Variants in MAML2 observed in about 807,000 individuals in gnomAD.
MAML2 encodes mastermind-like protein 2.
Under a neutral mutation model 96.1 loss-of-function variants are expected in MAML2, and 22 were observed. That is an observed-to-expected ratio of 0.23 (90% CI 0.16 to 0.33). The LOEUF is 0.33. Among genes scored for constraint, MAML2 ranks in the 10% least tolerant of loss-of-function variants. The probability of loss-of-function intolerance (pLI) is 1.00; values close to 1 mark genes in which losing one functional copy is unlikely to be tolerated. For synonymous variants in MAML2, 561 were observed against 521.3 expected (o/e 1.08, Z -1.04); for missense variants, 1,367 against 1,392.4 (o/e 0.98, Z 0.29).
chr11:96,198,140 A>T (rs958653154), intron 1 of MAML2, among the ~76,000 whole-genome samples: 3 of 152,222 alleles, frequency 2.0e-5, no homozygotes, highest in African/African-American at 7.2e-5. Context: ...AATGGTCTGG[A>T]TAGGTCTTAA....
At chr11:96,082,672 T>C (rs971735080) in intron 2 of MAML2, among the ~76,000 whole-genome samples, 1 of 152,244 alleles carries the variant, frequency 6.6e-6, no homozygotes, top group African/African-American at 2.4e-5. Flanking sequence ...CGCCAGTTAC[T>C]GGCCTCATCC....
intron 1 of MAML2, among the ~76,000 whole-genome samples, chr11:96,211,184 A>T (rs7941175): frequency 6.6e-6 from 1 of 152,222 alleles, no homozygotes; most frequent in Non-Finnish European, 1.5e-5. Context: ...ACATATTTTT[A>T]AAATCCTAAT....
intron 1 of MAML2, among the ~76,000 whole-genome samples, chr11:96,132,528 G>A (rs1291836422): frequency 6.6e-6 from 1 of 152,164 alleles, no homozygotes; most frequent in Non-Finnish European, 1.5e-5. Flanking sequence ...ACAACAGAAA[G>A]GTCAGCATGA....
Position 96,341,980 on chromosome 11 carries a change from A to G in MAML2, c.-85T>C. On this transcript the variant is annotated 5_prime_UTR_variant, in exon 1 of 5. Transcript: ENST00000524717. Reference sequence around the variant, plus strand: ...GCTATTGCAGGCAAGTCTGTTTTTGACAATGTGAGCTCAGTGTTCAGGGCC... The same window carrying G: ...GCTATTGCAGGCAAGTCTGTTTTTGGCAATGTGAGCTCAGTGTTCAGGGCC... 7.5e-7 allele frequency: 1 copy of G among 1,341,870 alleles called. No individual in the cohort carries two copies. The highest frequency in any genetic ancestry group is 9.9e-7 in the Non-Finnish European group (1 of 1,012,022). 83.1% of individuals were successfully genotyped at this position (1,341,870 alleles called of 1,614,324 possible). A position where few individuals can be genotyped will look rare whatever the true frequency, so the allele number is the denominator to read the frequency against.
chr11:96,135,627 G>A (rs954033579), intron 1 of MAML2, among the ~76,000 whole-genome samples: 23 of 147,600 alleles, frequency 1.6e-4, no homozygotes, highest in African/African-American at 5.7e-4. Context: ...AAACAAAACT[G>A]AATAATTACT....
chr11:95,988,385 A>C (rs994830509), intron 3 of MAML2, among the ~76,000 whole-genome samples: 2 of 151,670 alleles, frequency 1.3e-5, no homozygotes, highest in Non-Finnish European at 2.9e-5. Context: ...CAGTCTCCCA[A>C]GTAGCTGAGA....
At chr11:96,253,136 T>C (rs547913307) in intron 1 of MAML2, among the ~76,000 whole-genome samples, 2 of 152,282 alleles carry the variant, frequency 1.3e-5, no homozygotes, top group East Asian at 3.9e-4. Context: ...AGGAAAGAGA[T>C]TCACACAGAT....
At chr11:96,341,281 C>A (rs1483919987) in intron 1 of MAML2, 102 bp downstream of exon 1, 5 of 1,331,780 alleles carry the variant, frequency 3.8e-6, no homozygotes, top group Non-Finnish European at 2.0e-6. Flanking sequence ...GACATCTTGG[C>A]CTTTTTCATT....
At chr11:96,202,174 A>G (rs1278897736) in intron 1 of MAML2, among the ~76,000 whole-genome samples, 2 of 112,700 alleles carry the variant, frequency 1.8e-5, no homozygotes, top group African/African-American at 3.2e-5. Context: ...TCTACTAAAA[A>G]TACAAAAAAA....
chr11:96,266,243 C>T (rs1484722083), intron 1 of MAML2, among the ~76,000 whole-genome samples: 1 of 152,110 alleles, frequency 6.6e-6, no homozygotes, highest in Admixed American at 6.5e-5. Flanking sequence ...CTGTCAGTAC[C>T]AAGCTGGTCT....
intron 2 of MAML2, among the ~76,000 whole-genome samples, chr11:96,028,534 A>C (rs528674079): frequency 1.3e-5 from 2 of 152,338 alleles, no homozygotes; most frequent in Admixed American, 6.5e-5. Flanking sequence ...ACTCCATGAA[A>C]GCCTATGACT....
At chr11:96,277,219 T>G (rs1270029311) in intron 1 of MAML2, among the ~76,000 whole-genome samples, 1 of 152,230 alleles carries the variant, frequency 6.6e-6, no homozygotes, top group African/African-American at 2.4e-5. Flanking sequence ...TTAGGACTTC[T>G]GTATCTCGAT....
intron 2 of MAML2, among the ~76,000 whole-genome samples, chr11:96,074,238 G>A (rs753986289): frequency 1.3e-4 from 20 of 152,218 alleles, no homozygotes; most frequent in Non-Finnish European, 7.3e-5. Context: ...CTTGCATGCA[G>A]TCACCCAGCT....
intron 1 of MAML2, among the ~76,000 whole-genome samples, chr11:96,291,494 G>A (rs1445699763): frequency 6.6e-6 from 1 of 151,994 alleles, no homozygotes; most frequent in African/African-American, 2.4e-5. Flanking sequence ...TGGAGTTTTA[G>A]GAAAAGTAAC....
intron 1 of MAML2, among the ~76,000 whole-genome samples, chr11:96,166,141 T>G (rs1237924825): frequency 7.5e-6 from 1 of 133,848 alleles, no homozygotes; most frequent in Non-Finnish European, 1.6e-5. Context: ...TCTCTGTCTC[T>G]CTCTCTCTGT....
chr11:96,279,084 G>A (rs1863028767), intron 1 of MAML2, among the ~76,000 whole-genome samples: 1 of 151,818 alleles, frequency 6.6e-6, no homozygotes, highest in Non-Finnish European at 1.5e-5. Flanking sequence ...TAGGATAAAA[G>A]ACTGATTGAC....
chr11:96,107,878 C>T lies in MAML2; in HGVS notation c.514-14361G>A, dbSNP rs187245216. 2.9e-3 allele frequency among the ~76,000 whole-genome samples: 435 copies of T among 152,352 alleles called. 5 individuals are homozygous for T. The highest frequency in any genetic ancestry group is 9.9e-3 in the African/African-American group (410 of 41,580). On this transcript the variant is annotated intron_variant, in intron 1 of 4. Transcript: ENST00000524717. Reference sequence around the variant, plus strand: ...GGGAGGGCATGGAAGCTTTGAGCCTCTTTCCACCAACCTTGCCATATGCAT... The same window carrying T: ...GGGAGGGCATGGAAGCTTTGAGCCTTTTTCCACCAACCTTGCCATATGCAT...
intron 1 of MAML2, among the ~76,000 whole-genome samples, chr11:96,130,484 T>C (rs1720105835): frequency 6.6e-6 from 1 of 152,196 alleles, no homozygotes; most frequent in Non-Finnish European, 1.5e-5. Context: ...AGCCATAATA[T>C]GTACCATGGC....
intron 2 of MAML2, among the ~76,000 whole-genome samples, chr11:96,087,383 G>A (rs1859634510): frequency 6.6e-6 from 1 of 152,144 alleles, no homozygotes; most frequent in Non-Finnish European, 1.5e-5. Flanking sequence ...GATAAATGGT[G>A]AAATATCAAA....
Sources: gnomAD v4.1 joint callset for allele counts (sites outside exome capture counted in the v4.1 genomes callset) on GRCh38, gnomAD v4.1.1 for gene constraint, MANE v1.5 for transcripts, NCBI Gene and HGNC (gene_info 2026-07-23, HGNC 2026-07-21) for gene names.